The following BICD1 variants were observed in gnomAD, a reference collection of about 807,000 sequenced individuals.
BICD1 encodes the protein protein bicaudal D homolog 1.
BICD1 carries 35 observed loss-of-function variants against 92.5 expected under a neutral mutation model. That is an observed-to-expected ratio of 0.38 (90% CI 0.29 to 0.50). BICD1 has a LOEUF of 0.50. Among genes scored for constraint, BICD1 ranks in the 20% least tolerant of loss-of-function variants. The pLI is 0.93. For missense variants in BICD1, 950 were observed against 1,189.8 expected, an observed-to-expected ratio of 0.80 and a Z score of 2.97; for synonymous variants, 429 against 465.1, an observed-to-expected ratio of 0.92 and a Z score of 1.00.
At chr12:32,178,866 G>T (rs1486760848) in intron 1 of BICD1, among the ~76,000 whole-genome samples, 1 of 151,924 alleles carries the variant, frequency 6.6e-6, no homozygotes, top group African/African-American at 2.4e-5. Flanking sequence ...AGGCTGTCCT[G>T]GCACACTGCA....
chr12:32,330,917 T>C (rs1049463400), intron 5 of BICD1, among the ~76,000 whole-genome samples: 2 of 152,160 alleles, frequency 1.3e-5, no homozygotes, highest in East Asian at 1.9e-4. Flanking sequence ...AGTGGATCAC[T>C]TGAGGTCAGG....
chr12:32,108,000 A>C, intron 1 of BICD1: 2 of 368,108 alleles, frequency 5.4e-6, no homozygotes, highest in East Asian at 5.6e-5. Flanking sequence ...GGATGTAACC[A>C]CTCCTTGGTG....
At chr12:32,189,407 C>A (rs2121529480) in intron 1 of BICD1, among the ~76,000 whole-genome samples, 1 of 152,292 alleles carries the variant, frequency 6.6e-6, no homozygotes, top group South Asian at 2.1e-4. Flanking sequence ...CCTCCTACTC[C>A]CTATCCTTGC....
intron 3 of BICD1, 35 bp from the exon 4 acceptor site, chr12:32,305,662 A>C (rs753856951): frequency 1.3e-5 from 20 of 1,540,060 alleles, no homozygotes; most frequent in Non-Finnish European, 1.7e-5. Flanking sequence ...TCCACATTTT[A>C]GTTTTATGAA....
intron 2 of BICD1, among the ~76,000 whole-genome samples, chr12:32,290,122 A>G (rs1388869829): frequency 1.6e-5 from 2 of 123,056 alleles, no homozygotes; most frequent in African/African-American, 5.9e-5. Context: ...ACAGCCTAGA[A>G]GCATTCTGAA....
Position 32,379,769 on chromosome 12 carries a change from C to A in BICD1, c.*2142C>A, listed in dbSNP as rs1261101081. 3.3e-5 allele frequency: 5 copies of A among 152,132 alleles called. No homozygotes were observed. The highest frequency in any genetic ancestry group is 3.3e-4 in the Admixed American group (5 of 15,266). 9.4% of individuals were successfully genotyped at this position (152,132 alleles called of 1,614,324 possible). On this transcript the variant is annotated 3_prime_UTR_variant, in exon 10 of 10. Transcript: ENST00000652176. Reference sequence around the variant, plus strand: ...TGTTTGTGCCTGAGGGAAATATATGCCTTTTTAAAAAGTACCTCAGAACAT... The same window carrying A: ...TGTTTGTGCCTGAGGGAAATATATGACTTTTTAAAAAGTACCTCAGAACAT...
intron 8 of BICD1, chr12:32,339,324 G>T (rs1019077220): frequency 9.8e-7 from 1 of 1,015,882 alleles, no homozygotes; most frequent in Non-Finnish European, 1.2e-6. Context: ...GATTTGGCCA[G>T]TTCTCTCTTA....
At position 32,118,564 on chromosome 12, in the gene BICD1, A is replaced by G. The variant is rs572611675; in HGVS notation, c.213+11020A>G. On this transcript the variant is annotated intron_variant, in intron 1 of 9. Coordinates refer to ENST00000652176, the MANE Select transcript of BICD1 (RefSeq NM_001714.4). ...ATAATTCAGCATAACAGCTATTTAC[A>G]TAGCATTTACATCGTATTAGGTATT... Among the ~76,000 whole-genome samples the G allele has an allele frequency of 7.5e-4, 114 of 152,324 alleles. 3 individuals carry two copies. In the South Asian group the frequency reaches 0.023, roughly 30 times the overall value.
intron 1 of BICD1, among the ~76,000 whole-genome samples, chr12:32,131,370 G>A (rs1486727851): frequency 1.3e-5 from 2 of 151,944 alleles, no homozygotes; most frequent in Admixed American, 6.6e-5. Flanking sequence ...TTTCTATTTC[G>A]GTGGCTCCAG....
chr12:32,173,112 A>G (rs977829075), intron 1 of BICD1, among the ~76,000 whole-genome samples: 3 of 151,776 alleles, frequency 2.0e-5, no homozygotes, highest in African/African-American at 4.8e-5. Context: ...CAGTGGCACG[A>G]TCGTGGATCA....
At chr12:32,169,986 T>C (rs780831783) in intron 1 of BICD1, among the ~76,000 whole-genome samples, 6 of 152,242 alleles carry the variant, frequency 3.9e-5, no homozygotes, top group Non-Finnish European at 7.3e-5. Flanking sequence ...GCTGTGACAC[T>C]GTAGAGGCGA....
chr12:32,209,543 C>G (rs941612056), intron 1 of BICD1, among the ~76,000 whole-genome samples: 1 of 152,224 alleles, frequency 6.6e-6, no homozygotes, highest in Admixed American at 6.5e-5. Flanking sequence ...TGTCAGGCCA[C>G]TAGCCAACCC....
intron 2 of BICD1, among the ~76,000 whole-genome samples, chr12:32,282,303 C>T (rs952185035): frequency 1.4e-5 from 2 of 147,302 alleles, no homozygotes; most frequent in African/African-American, 5.0e-5. Context: ...CCACTATAGC[C>T]TCCACCTCCT....
intron 1 of BICD1, among the ~76,000 whole-genome samples, chr12:32,116,504 CTCTCTCTATA>C (rs1274368777): frequency 1.9e-4 from 16 of 82,120 alleles, no homozygotes; most frequent in East Asian, 7.4e-4. Context: ...CTCTCTCTCT[CTCTCTCTATA>C]TATATATATA....
chr12:32,170,609 G>A (rs1658917041), intron 1 of BICD1, among the ~76,000 whole-genome samples: 1 of 152,160 alleles, frequency 6.6e-6, no homozygotes. Flanking sequence ...CAATGCCACT[G>A]TACGGATTGT....
chr12:32,265,457 C>A (rs954913183), intron 2 of BICD1, among the ~76,000 whole-genome samples: 1 of 151,368 alleles, frequency 6.6e-6, no homozygotes, highest in Admixed American at 6.6e-5. Context: ...ACCTGTAATC[C>A]CAGAACTTTG....
chr12:32,109,781 T>C (rs993163658), intron 1 of BICD1, among the ~76,000 whole-genome samples: 2 of 152,098 alleles, frequency 1.3e-5, no homozygotes, highest in Non-Finnish European at 2.9e-5. Flanking sequence ...TATACTTTAG[T>C]TGGAAATATA....
Position 32,377,560 on chromosome 12 carries a change from A to G in BICD1, c.2861A>G (p.Glu954Gly). Residue 954 changes from glutamate to glycine, a missense_variant, in exon 10 of 10, where the codon GAG becomes GGG. Transcript: ENST00000652176. ...PTVSPDTALP[E>G]EQPHSSSQCA... is the part of the protein sequence containing the mutation. ...TCCAGTCCTGACACAGCTCTCCCTG[A>G]GGAGCAGCCACATTCCAGCTCCCAG... The G allele has an allele frequency of 6.2e-7, 1 of 1,614,062 alleles. No individual in the cohort carries two copies. Among genetic ancestry groups the G allele is most frequent in the Non-Finnish European group, 8.5e-7 (1 of 1,180,000 alleles).
At chr12:32,199,148 T>C (rs1432182514) in intron 1 of BICD1, among the ~76,000 whole-genome samples, 1 of 152,218 alleles carries the variant, frequency 6.6e-6, no homozygotes, top group Non-Finnish European at 1.5e-5. Context: ...TTAATAGCTT[T>C]TGTAAACTTC....
Sources: allele counts gnomAD v4.1 joint callset (sites outside exome capture counted in the v4.1 genomes callset), GRCh38; gene constraint gnomAD v4.1.1; transcripts MANE v1.5; gene names NCBI Gene and HGNC (gene_info 2026-07-23, HGNC 2026-07-21).